The following NRXN1 variants were observed in gnomAD, a reference collection of about 807,000 sequenced individuals.
The protein encoded by NRXN1 is neurexin 1, also known as neurexin-1.
In NRXN1, 39 loss-of-function variants were observed where a neutral mutation model predicts 150.9. That is an observed-to-expected ratio of 0.26 (90% CI 0.20 to 0.34). The LOEUF (loss-of-function observed/expected upper bound fraction) is 0.34, where lower values mean the gene tolerates loss of function less well. Among genes scored for constraint, NRXN1 ranks in the 10% least tolerant of loss-of-function variants. The pLI is 1.00. For missense variants in NRXN1, 1,815 were observed against 1,949.9 expected, an observed-to-expected ratio of 0.93 and a Z score of 1.30; for synonymous variants, 924 against 757.0, an observed-to-expected ratio of 1.22 and a Z score of -3.62.
rs542070350 is a variant in NRXN1, at chr2:50,754,129, AT to A, written c.833-130515del. Among the ~76,000 whole-genome samples, 29 of 152,022 alleles carry A rather than the reference AT, an allele frequency of 1.9e-4. No individual in the cohort carries two copies. The South Asian group carries it at 6.0e-3, about 31-fold the overall frequency. On this transcript the variant is annotated intron_variant, in intron 5 of 22. Coordinates refer to ENST00000401669, the MANE Select transcript of NRXN1 (RefSeq NM_001330078.2). ...CTATCCATTTACAATTATTTAAATTATAAAAATGAAAGCAGCCTCTTCATTT... is the reference window on the plus strand; with the variant it reads ...CTATCCATTTACAATTATTTAAATTAAAAAATGAAAGCAGCCTCTTCATTT...
chr2:50,962,381 A>G lies in NRXN1; in HGVS notation c.773-36426T>C, dbSNP rs116657517. ...TAGTTGCTAGGCAAGTTCTATGAGA[A>G]TGCTTTAAAACATCAGAACAATCCA... On this transcript the variant is annotated intron_variant, in intron 2 of 22. Coordinates refer to ENST00000401669, the MANE Select transcript of NRXN1 (RefSeq NM_001330078.2). Among the ~76,000 whole-genome samples the G allele has an allele frequency of 6.6e-3, 995 of 151,824 alleles. 13 individuals carry two copies. The highest frequency in any genetic ancestry group is 0.022 in the African/African-American group (923 of 41,510).
chr2:50,189,136 G>C (rs1187190488), intron 18 of NRXN1, among the ~76,000 whole-genome samples: 7 of 152,170 alleles, frequency 4.6e-5, no homozygotes, highest in Non-Finnish European at 8.8e-5. Flanking sequence ...ATCAATGATA[G>C]AGTGGATAAA....
chr2:50,629,220 A>G (rs947160136), intron 5 of NRXN1, among the ~76,000 whole-genome samples: 1 of 151,804 alleles, frequency 6.6e-6, no homozygotes, highest in East Asian at 1.9e-4. Flanking sequence ...CACTACTGAA[A>G]TAACAACCAA....
chr2:50,070,088 G>A (rs369826886), intron 19 of NRXN1, among the ~76,000 whole-genome samples: 8 of 151,918 alleles, frequency 5.3e-5, no homozygotes, highest in African/African-American at 1.2e-4. Context: ...CTGACCTTGC[G>A]ATCTGCCCGC....
intron 18 of NRXN1, among the ~76,000 whole-genome samples, chr2:50,180,204 T>C (rs928625105): frequency 3.3e-5 from 5 of 151,622 alleles, no homozygotes; most frequent in South Asian, 2.1e-4. Flanking sequence ...AAAAAAAAAT[T>C]TGTAGAGACA....
chr2:50,172,442 C>G (rs1248551938), intron 18 of NRXN1, among the ~76,000 whole-genome samples: 1 of 152,090 alleles, frequency 6.6e-6, no homozygotes, highest in African/African-American at 2.4e-5. Context: ...CCTAACATCA[C>G]TCTATGGACA....
chr2:50,931,423 T>C (rs1195167004), intron 2 of NRXN1, among the ~76,000 whole-genome samples: 1 of 152,158 alleles, frequency 6.6e-6, no homozygotes, highest in African/African-American at 2.4e-5. Flanking sequence ...AGTTTGATGC[T>C]TAAAAATTAC....
chr2:50,585,911 T>C (rs1379561871), intron 8 of NRXN1, among the ~76,000 whole-genome samples: 1 of 152,228 alleles, frequency 6.6e-6, no homozygotes, highest in Non-Finnish European at 1.5e-5. Flanking sequence ...GAGTTACATT[T>C]GGTCACATCT....
chr2:50,435,014 T>A (rs6717441), intron 17 of NRXN1, among the ~76,000 whole-genome samples: 42,396 of 151,940 alleles, frequency 0.28, 6,092 homozygotes, highest in East Asian at 0.39. Context: ...TAAGCACCTA[T>A]TTTTTTTCAA....
At chr2:50,913,317 A>G (rs2104135787) in intron 5 of NRXN1, among the ~76,000 whole-genome samples, 1 of 151,796 alleles carries the variant, frequency 6.6e-6, no homozygotes, top group South Asian at 2.1e-4. Flanking sequence ...CAATTTAGGG[A>G]TTTCCATCCC....
intron 18 of NRXN1, among the ~76,000 whole-genome samples, chr2:50,187,475 T>C (rs1563018): frequency 0.33 from 50,217 of 151,952 alleles, 8,712 homozygotes; most frequent in Non-Finnish European, 0.38. Flanking sequence ...AATATGCAAA[T>C]GCCTTTTTCT....
intron 5 of NRXN1, among the ~76,000 whole-genome samples, chr2:50,847,415 G>A (rs1673821236): frequency 6.6e-6 from 1 of 152,058 alleles, no homozygotes; most frequent in Non-Finnish European, 1.5e-5. Flanking sequence ...TGACTGCAGG[G>A]GAAACAATAC....
chr2:50,854,453 A>C lies in NRXN1; in HGVS notation c.832+67416T>G, dbSNP rs2105993204. 1.3e-5 allele frequency among the ~76,000 whole-genome samples: 2 copies of C among 152,226 alleles called. 1 individual carries two copies. Among genetic ancestry groups the C allele is most frequent in the South Asian group, 4.1e-4 (2 of 4,834 alleles). ...GCTGAGTGTATTCATCTAGCTTTGC[A>C]CTGCAGTAAAGTACATTCCGTAGAG... On this transcript the variant is annotated intron_variant, in intron 5 of 22. Coordinates refer to ENST00000401669, the MANE Select transcript of NRXN1 (RefSeq NM_001330078.2).
intron 5 of NRXN1, among the ~76,000 whole-genome samples, chr2:50,722,451 C>T (rs139932941): frequency 6.6e-6 from 1 of 152,000 alleles, no homozygotes; most frequent in Admixed American, 6.6e-5. Context: ...TACCACATAG[C>T]CATTAAAATC....
chr2:50,681,873 T>A (rs1359667372), intron 5 of NRXN1, among the ~76,000 whole-genome samples: 1 of 94,042 alleles, frequency 1.1e-5, no homozygotes, highest in Non-Finnish European at 2.4e-5. Flanking sequence ...AGCATAGTAA[T>A]TAAAATTGTG....
intron 5 of NRXN1, among the ~76,000 whole-genome samples, chr2:50,692,168 A>T (rs1692177706): frequency 6.6e-6 from 1 of 152,178 alleles, no homozygotes; most frequent in Non-Finnish European, 1.5e-5. Context: ...TTACAGAAAA[A>T]AAAATGCCTT....
intron 18 of NRXN1, among the ~76,000 whole-genome samples, chr2:50,101,879 G>GC (rs1307470353): frequency 1.3e-5 from 2 of 151,988 alleles, no homozygotes; most frequent in Non-Finnish European, 2.9e-5. Flanking sequence ...GTTTTCACAA[G>GC]CCTCAAGAAG....
At chr2:50,234,298 A>G (rs1037946088) in intron 18 of NRXN1, among the ~76,000 whole-genome samples, 1 of 152,116 alleles carries the variant, frequency 6.6e-6, no homozygotes, top group Non-Finnish European at 1.5e-5. Flanking sequence ...GTTCAAGACC[A>G]GCCTGGTCAA....
At chr2:50,935,729 A>G (rs974302763) in intron 2 of NRXN1, among the ~76,000 whole-genome samples, 1 of 152,108 alleles carries the variant, frequency 6.6e-6, no homozygotes, top group African/African-American at 2.4e-5. Flanking sequence ...TGTCTCAAAA[A>G]CAAAAAAGTA....
Sources: allele counts gnomAD v4.1 joint callset (sites outside exome capture counted in the v4.1 genomes callset), GRCh38; gene constraint gnomAD v4.1.1; transcripts MANE v1.5; gene names NCBI Gene and HGNC (gene_info 2026-07-23, HGNC 2026-07-21).